The following DCDC1 variants were observed in gnomAD, a reference collection of about 807,000 sequenced individuals.
DCDC1 encodes the protein doublecortin domain containing 1, also known as doublecortin domain-containing protein 1.
DCDC1 carries 200 observed loss-of-function variants against 178.3 expected under a neutral mutation model. The observed-to-expected ratio is 1.12, with a 90% CI of 1.00 to 1.26. The LOEUF is 1.26. DCDC1 is among the 50% of genes most tolerant of loss of function. The pLI, the probability that DCDC1 is intolerant of heterozygous loss-of-function variation, is 0.00. For missense variants in DCDC1, 1,983 were observed against 1,749.2 expected, an observed-to-expected ratio of 1.13 and a Z score of -2.38; for synonymous variants, 690 against 604.8, an observed-to-expected ratio of 1.14 and a Z score of -2.07.
chr11:31,167,252 A>G lies in DCDC1; in HGVS notation c.1222-29468T>C, dbSNP rs1215797064. 2.6e-5 allele frequency among the ~76,000 whole-genome samples: 4 copies of G among 152,300 alleles called. No homozygotes were observed. The East Asian group carries it at 5.8e-4, about 22-fold the overall frequency. ...GAAAATGCTCTTACATCAATATGAG[A>G]TTTCAAAATCACCATAAGTTCATCA... is the stretch of plus-strand genomic sequence containing the variant. On this transcript the variant is annotated intron_variant, in intron 9 of 38. Coordinates refer to ENST00000684477, the MANE Select transcript of DCDC1 (RefSeq NM_001387274.1).
chr11:31,362,791 T>C lies in DCDC1; in HGVS notation c.-125+6906A>G, dbSNP rs546202968. ...CAGAAAACATCTATTCTTCAGTATA[T>C]TTTTTAAGATGTGTGGTTTCATTAT... On this transcript the variant is annotated intron_variant, in intron 1 of 38. Transcript: ENST00000684477. Among the ~76,000 whole-genome samples, 301 of 152,296 alleles carry C rather than the reference T, an allele frequency of 2.0e-3. 2 individuals carry two copies. The highest frequency in any genetic ancestry group is 6.6e-3 in the African/African-American group (275 of 41,564).
At position 30,969,964 on chromosome 11, in the gene DCDC1, TATCA is replaced by T. The variant is rs1157329005; in HGVS notation, c.2592-17400_2592-17397del. ...AGAAGAACCAAAATAGTGGGCAGAT[TATCA>T]CACTTCTAATAGATCATCTAAGACA... On this transcript the variant is annotated intron_variant, in intron 20 of 38. Coordinates refer to ENST00000684477, the MANE Select transcript of DCDC1 (RefSeq NM_001387274.1). Among the ~76,000 whole-genome samples the T allele has an allele frequency of 1.3e-5, 2 of 152,168 alleles. 1 individual carries two copies. Among genetic ancestry groups the T allele is most frequent in the East Asian group, 3.9e-4 (2 of 5,188 alleles).
chr11:30,937,811 C>A (rs538853552), intron 21 of DCDC1, among the ~76,000 whole-genome samples: 1 of 152,110 alleles, frequency 6.6e-6, no homozygotes, highest in African/African-American at 2.4e-5. Flanking sequence ...AGTGGACTTA[C>A]AGCCTCTCAG....
intron 36 of DCDC1, among the ~76,000 whole-genome samples, chr11:30,885,977 A>G (rs935235756): frequency 1.3e-5 from 2 of 152,156 alleles, no homozygotes; most frequent in Non-Finnish European, 2.9e-5. Context: ...AATAAATAAT[A>G]CATCAATTTG....
intron 6 of DCDC1, among the ~76,000 whole-genome samples, chr11:31,298,173 G>A (rs1947836658): frequency 6.6e-6 from 1 of 152,114 alleles, no homozygotes; most frequent in Admixed American, 6.5e-5. Flanking sequence ...GAATGTTCTT[G>A]AATCTCTACC....
intron 3 of DCDC1, among the ~76,000 whole-genome samples, chr11:31,324,690 G>A (rs1280294054): frequency 6.6e-6 from 1 of 152,050 alleles, no homozygotes; most frequent in Non-Finnish European, 1.5e-5. Context: ...TTCATTTTTG[G>A]AATGCTGAAG....
At chr11:30,909,599 A>G (rs1001506893) in intron 28 of DCDC1, among the ~76,000 whole-genome samples, 1 of 152,124 alleles carries the variant, frequency 6.6e-6, no homozygotes, top group Non-Finnish European at 1.5e-5. Flanking sequence ...ATATATCAAA[A>G]TGCCTTCTAG....
At chr11:31,032,317 T>G (rs766456704) in intron 20 of DCDC1, among the ~76,000 whole-genome samples, 2 of 152,186 alleles carry the variant, frequency 1.3e-5, no homozygotes, top group Non-Finnish European at 2.9e-5. Flanking sequence ...TAAGTACTAA[T>G]ATTATGTGAC....
In DCDC1 at chr11:31,231,382, T is replaced by C. The variant is rs117779867; in HGVS notation, c.1221+10068A>G. ...ACACTAATATTTTCAAAGTGTCCCT[T>C]TGTTTGGTGCCTGGAGGTTTTTACA... On this transcript the variant is annotated intron_variant, in intron 9 of 38. Transcript: ENST00000684477. Among the ~76,000 whole-genome samples, 1,301 of 152,216 alleles carry C rather than the reference T, an allele frequency of 8.5e-3. 7 individuals are homozygous for C. The highest frequency in any genetic ancestry group is 0.014 in the Non-Finnish European group (928 of 67,998).
chr11:31,342,343 C>A (rs1950595575), intron 1 of DCDC1, among the ~76,000 whole-genome samples: 1 of 152,078 alleles, frequency 6.6e-6, no homozygotes, highest in African/African-American at 2.4e-5. Flanking sequence ...AACTATGTGG[C>A]CTTAAGTATC....
At chr11:31,073,265 T>A (rs1956677244) in intron 18 of DCDC1, among the ~76,000 whole-genome samples, 2 of 152,298 alleles carry the variant, frequency 1.3e-5, no homozygotes, top group South Asian at 4.1e-4. Context: ...CATAAAAGTA[T>A]GCATCATTTG....
intron 20 of DCDC1, among the ~76,000 whole-genome samples, chr11:30,986,683 G>C (rs941067430): frequency 6.6e-6 from 1 of 151,996 alleles, no homozygotes; most frequent in Non-Finnish European, 1.5e-5. Context: ...CTGGAGACTG[G>C]GGTGTTAAGT....
intron 15 of DCDC1, among the ~76,000 whole-genome samples, chr11:31,101,312 A>C (rs531860496): frequency 1.3e-5 from 2 of 152,352 alleles, no homozygotes; most frequent in South Asian, 4.1e-4. Flanking sequence ...AAACAAAATA[A>C]GTATTCCTTC....
chr11:31,050,005 C>T (rs756146582), intron 20 of DCDC1, among the ~76,000 whole-genome samples: 5 of 152,160 alleles, frequency 3.3e-5, no homozygotes, highest in Non-Finnish European at 5.9e-5. Flanking sequence ...AGCCTCCTGG[C>T]CAGAACTCCA....
At chr11:30,983,574 A>T (rs1209498492) in intron 20 of DCDC1, among the ~76,000 whole-genome samples, 1 of 152,236 alleles carries the variant, frequency 6.6e-6, no homozygotes, top group Non-Finnish European at 1.5e-5. Context: ...ATCATTATTC[A>T]GATTTATGAA....
intron 1 of DCDC1, among the ~76,000 whole-genome samples, chr11:31,359,233 A>C (rs186410431): frequency 0.02 from 3,093 of 152,266 alleles, 90 homozygotes; most frequent in African/African-American, 0.07. Flanking sequence ...GCACATATAC[A>C]CCATGGAATA....
intron 1 of DCDC1, among the ~76,000 whole-genome samples, chr11:31,341,844 C>CACACACACA (rs3220039): frequency 2.6e-5 from 4 of 151,492 alleles, no homozygotes; most frequent in African/African-American, 7.3e-5. Flanking sequence ...CACACACACA[C>CACACACACA]ATTTTTTTTG....
intron 7 of DCDC1, among the ~76,000 whole-genome samples, chr11:31,288,159 A>C (rs562896434): frequency 4.6e-5 from 7 of 152,054 alleles, no homozygotes; most frequent in African/African-American, 1.7e-4. Context: ...AATAAAACTT[A>C]TCCACCATGA....
intron 20 of DCDC1, among the ~76,000 whole-genome samples, chr11:31,019,885 C>A (rs1052853334): frequency 3.9e-5 from 6 of 152,094 alleles, no homozygotes; most frequent in African/African-American, 1.4e-4. Flanking sequence ...ACCCCCACCC[C>A]CCAGTCTGTC....
Sources: gnomAD v4.1 joint callset for allele counts (sites outside exome capture counted in the v4.1 genomes callset) on GRCh38, gnomAD v4.1.1 for gene constraint, MANE v1.5 for transcripts, NCBI Gene and HGNC (gene_info 2026-07-23, HGNC 2026-07-21) for gene names.